The following FHL1 variants were observed in gnomAD, a reference collection of about 807,000 sequenced individuals.
FHL1 encodes the protein four and a half LIM domains protein 1.
A neutral mutation model predicts 20.3 loss-of-function variants in FHL1; 1 was observed. The ratio of observed to expected loss-of-function variants is 0.05; its 90% CI spans 0.02 to 0.23. The LOEUF is 0.23. Among genes scored for constraint, FHL1 ranks in the 10% least tolerant of loss-of-function variants. The pLI is 1.00. For synonymous variants in FHL1, 82 were observed against 88.9 expected (o/e 0.92, Z 0.44); for missense variants, 177 against 234.0 (o/e 0.76, Z 1.59).
chrX:136,209,487 C>T (rs780608136), intron 5 of FHL1: 13 of 1,156,012 alleles, frequency 1.1e-5, no homozygotes, highest in Non-Finnish European at 1.5e-5. Flanking sequence ...CTCCTGGTGG[C>T]CACTTTGATG....
chrX:136,164,324 G>A (rs184696773), intron 1 of FHL1, among the ~76,000 whole-genome samples: 17 of 107,672 alleles, frequency 1.6e-4, no homozygotes, highest in Non-Finnish European at 2.9e-4. Flanking sequence ...CTCGTGTCTC[G>A]GCCTCCCAAG....
chrX:136,186,879 TATAGATAGATAGATAGATAG>T (rs10611748), intron 2 of FHL1, among the ~76,000 whole-genome samples: 33 of 67,250 alleles, frequency 4.9e-4, no homozygotes, highest in Admixed American at 6.5e-4. Context: ...TATATATATA[TATAGATAGATAGATAGATAG>T]ATAGATAGAT....
At position 136,210,086 on chromosome X, in the gene FHL1, TTC is replaced by T. The variant is rs2073970383; in HGVS notation, c.*63_*64del. The T allele has an allele frequency of 1.7e-6, 2 of 1,186,726 alleles. No homozygotes were observed. The highest frequency in any genetic ancestry group is 3.5e-5 in the African/African-American group (2 of 56,522). On this transcript the variant is annotated 3_prime_UTR_variant, in exon 6 of 6. Transcript: ENST00000370683. ...GAATCTCGTTCTTTGTGTCCTTACT[TTC>T]TGCCCTATACCATCAATAGGGGAAG...
chrX:136,206,152 G>T, intron 1 of FHL1: 2 of 439,996 alleles, frequency 4.5e-6, no homozygotes, highest in East Asian at 3.8e-5. Context: ...ATCTGAGCAG[G>T]GGCTTCTACC....
chrX:136,146,885 C>T (rs1388160110), upstream of FHL1: 1 of 328,046 alleles, frequency 3.0e-6, no homozygotes, highest in African/African-American at 2.7e-5. Flanking sequence ...TTAGCTCCCT[C>T]CGGCTTGCTA....
intron 1 of FHL1, among the ~76,000 whole-genome samples, chrX:136,156,501 C>T (rs1043121943): frequency 1.8e-5 from 2 of 111,076 alleles, no homozygotes; most frequent in African/African-American, 6.5e-5. Flanking sequence ...AGGCTGATCT[C>T]GAACTCCTGA....
intron 2 of FHL1, among the ~76,000 whole-genome samples, chrX:136,177,048 A>G (rs2073026019): frequency 9.1e-6 from 1 of 110,327 alleles, no homozygotes; most frequent in African/African-American, 3.3e-5. Context: ...ACACACACAT[A>G]ATGTCTCAAG....
chrX:136,178,276 A>T (rs1195656893), intron 2 of FHL1, among the ~76,000 whole-genome samples: 1 of 112,073 alleles, frequency 8.9e-6, no homozygotes, highest in Non-Finnish European at 1.9e-5. Context: ...TTTTGTTTGA[A>T]CAACTGTAGG....
intron 1 of FHL1, among the ~76,000 whole-genome samples, chrX:136,155,216 G>T (rs1342361998): frequency 9.0e-6 from 1 of 111,122 alleles, no homozygotes; most frequent in Non-Finnish European, 1.9e-5. Context: ...ACATTCATCT[G>T]CCACTGCATC....
chrX:136,184,761 C>T (rs757142130), intron 2 of FHL1, among the ~76,000 whole-genome samples: 2 of 111,393 alleles, frequency 1.8e-5, no homozygotes, highest in Non-Finnish European at 3.8e-5. Context: ...AAGACATTAC[C>T]TACTTGGGTA....
At chrX:136,209,152 C>T (rs1403900055) in intron 5 of FHL1, 7 of 891,590 alleles carry the variant, frequency 7.9e-6, no homozygotes, top group Admixed American at 3.2e-5. Context: ...CCGCGATCCA[C>T]GTGCCCTGGG....
chrX:136,152,668 C>G (rs112933875), intron 1 of FHL1, among the ~76,000 whole-genome samples: 4 of 95,637 alleles, frequency 4.2e-5, no homozygotes, highest in African/African-American at 1.6e-4. Flanking sequence ...TGCAGTGAGC[C>G]GAGATAGCGC....
chrX:136,162,045 C>G (rs1259632114), intron 1 of FHL1, among the ~76,000 whole-genome samples: 1 of 101,446 alleles, frequency 9.9e-6, no homozygotes, highest in African/African-American at 3.6e-5. Flanking sequence ...ATCACTTGAA[C>G]CTGGGATATG....
chrX:136,176,109 G>A (rs1334788340), intron 2 of FHL1, among the ~76,000 whole-genome samples: 2 of 112,087 alleles, frequency 1.8e-5, no homozygotes, highest in Non-Finnish European at 3.8e-5. Context: ...AGGCATCTTG[G>A]TATATACCAC....
chrX:136,159,162 TA>T (rs1207785460), intron 1 of FHL1, among the ~76,000 whole-genome samples: 83 of 102,297 alleles, frequency 8.1e-4, no homozygotes, highest in Admixed American at 1.3e-3. Context: ...GTCTACTAAT[TA>T]AAAAAAAAAA....
chrX:136,185,283 G>A (rs925124200), intron 2 of FHL1, among the ~76,000 whole-genome samples: 9 of 111,546 alleles, frequency 8.1e-5, no homozygotes, highest in Admixed American at 5.7e-4. Flanking sequence ...TTTACTTATG[G>A]TATTAAATGA....
chrX:136,188,918 T>C (rs906682142), intron 2 of FHL1, among the ~76,000 whole-genome samples: 2 of 111,563 alleles, frequency 1.8e-5, no homozygotes, highest in African/African-American at 6.5e-5. Flanking sequence ...ATAGGGTCTT[T>C]TAGATCCATG....
intron 2 of FHL1, among the ~76,000 whole-genome samples, chrX:136,173,032 C>A (rs2072914809): frequency 8.9e-6 from 1 of 112,727 alleles, no homozygotes; most frequent in Non-Finnish European, 1.9e-5. Flanking sequence ...CATGCCCGGC[C>A]TATTTTGTTC....
rs368428875 is a variant in FHL1, at chrX:136,209,862, T to TC, written c.737-3dup. 4 of 1,170,172 alleles carry TC rather than the reference T, an allele frequency of 3.4e-6. No homozygotes were observed. The highest frequency in any genetic ancestry group is 1.8e-5 in the South Asian group (1 of 54,465). ...TGTTTTCTTTTCTTTTCTTTTTTTT[T>TC]CCCCCCAGGGTTTGGTAAAGGCTCC... is the stretch of plus-strand genomic sequence containing the variant. On this transcript the variant is annotated splice_polypyrimidine_tract_variant and intron_variant, in intron 5 of 5. Transcript: ENST00000370683.
Sources: gnomAD v4.1 joint callset for allele counts (sites outside exome capture counted in the v4.1 genomes callset) on GRCh38, gnomAD v4.1.1 for gene constraint, MANE v1.5 for transcripts, NCBI Gene and HGNC (gene_info 2026-07-23, HGNC 2026-07-21) for gene names.